Variants in RSL1D1 observed in about 807,000 individuals in gnomAD.
RSL1D1 encodes the protein ribosomal L1 domain-containing protein 1.
Under a neutral mutation model 44.6 loss-of-function variants are expected in RSL1D1, and 34 were observed. The observed-to-expected ratio is 0.76, with a 90% CI of 0.58 to 1.02. The LOEUF (loss-of-function observed/expected upper bound fraction) is 1.02, where lower values mean the gene tolerates loss of function less well. RSL1D1 is among the 50% of genes least tolerant of loss of function. The pLI, the probability that RSL1D1 is intolerant of heterozygous loss-of-function variation, is 0.00. For missense variants in RSL1D1, 767 were observed against 568.1 expected (o/e 1.35, Z -3.56); for synonymous variants, 271 against 207.4 (o/e 1.31, Z -2.63).
intron 7 of RSL1D1, among the ~76,000 whole-genome samples, chr16:11,840,602 A>G (rs926188008): frequency 1.1e-4 from 16 of 152,206 alleles, no homozygotes; most frequent in African/African-American, 3.4e-4. Flanking sequence ...GACACAATTA[A>G]CATGGCTAAA....
chr16:11,840,847 T>C (rs2053760013), intron 7 of RSL1D1, among the ~76,000 whole-genome samples: 1 of 152,186 alleles, frequency 6.6e-6, no homozygotes, highest in African/African-American at 2.4e-5. Context: ...TGTCCTGTGA[T>C]GAAACAGCGC....
chr16:11,845,559 C>T (rs2053791548), intron 5 of RSL1D1, among the ~76,000 whole-genome samples: 2 of 152,166 alleles, frequency 1.3e-5, no homozygotes, highest in South Asian at 4.1e-4. Flanking sequence ...CCACATGTGC[C>T]TATTTTAAAT....
intron 8 of RSL1D1, among the ~76,000 whole-genome samples, chr16:11,838,402 A>G (rs965599489): frequency 1.3e-5 from 2 of 151,962 alleles, no homozygotes; most frequent in African/African-American, 4.8e-5. Flanking sequence ...ACCTCAGGTG[A>G]TCCACCTGCC....
In RSL1D1 at chr16:11,837,980, C is replaced by A; in HGVS notation, c.1280G>T (p.Ser427Ile). ...TTTGATTTTTGGCTTCTTCTCTGGGCTTTTCCCTGGGGTCTCAGACTCTGC... is the reference window on the plus strand; with the variant it reads ...TTTGATTTTTGGCTTCTTCTCTGGGATTTTCCCTGGGGTCTCAGACTCTGC... The part of the protein sequence containing the change: ...KAAESETPGK[S>I]PEKKPKIKEE... Residue 427 changes from serine (S) to isoleucine (I), a missense_variant, in exon 9 of 9, where the codon AGC becomes ATC. Coordinates refer to ENST00000571133, the MANE Select transcript of RSL1D1 (RefSeq NM_015659.3). 6.2e-7 allele frequency: 1 copy of A among 1,614,004 alleles called. No homozygotes were observed.
Position 11,837,141 on chromosome 16 carries a change from T to A in RSL1D1, c.*646A>T, listed in dbSNP as rs2053726736. ...GATGCATGCCACCATGCCACACTAA[T>A]TTTTTTTTTTCTTTTGTAGAGATGG... On this transcript the variant is annotated 3_prime_UTR_variant, in exon 9 of 9. Coordinates refer to ENST00000571133, the MANE Select transcript of RSL1D1 (RefSeq NM_015659.3). 1 of 147,914 alleles carries A rather than the reference T, an allele frequency of 6.8e-6. No individual in the cohort carries two copies. Among genetic ancestry groups the A allele is most frequent in the Non-Finnish European group, 1.5e-5 (1 of 66,682 alleles). The allele number at this position is 147,914 out of a possible 1,614,324, so 9.2% of individuals were successfully genotyped here. A position where few individuals can be genotyped will look rare whatever the true frequency, so the allele number is the denominator to read the frequency against.
intron 8 of RSL1D1, 60 bp from the exon 9 acceptor site, chr16:11,838,173 C>A (rs555218777): frequency 7.9e-7 from 1 of 1,271,832 alleles, no homozygotes; most frequent in East Asian, 2.4e-5. Flanking sequence ...CACTCTAACT[C>A]CAGGAGTTAC....
At chr16:11,842,341 C>A (rs57301461) in intron 5 of RSL1D1, among the ~76,000 whole-genome samples, 16 of 147,820 alleles carry the variant, frequency 1.1e-4, no homozygotes, top group Non-Finnish European at 1.8e-4. Context: ...AAAAAAAAAA[C>A]AAAACAAAAA....
At chr16:11,845,772 A>T (rs1199837041) in intron 5 of RSL1D1, among the ~76,000 whole-genome samples, 1 of 151,620 alleles carries the variant, frequency 6.6e-6, no homozygotes, top group Non-Finnish European at 1.5e-5. Context: ...TTCAGACTGG[A>T]GAACAGTGAC....
At chr16:11,842,384 G>A (rs2053769310) in intron 5 of RSL1D1, among the ~76,000 whole-genome samples, 1 of 151,990 alleles carries the variant, frequency 6.6e-6, no homozygotes, top group Non-Finnish European at 1.5e-5. Context: ...AAATCTTTAG[G>A]TTCTAAATAT....
chr16:11,844,085 G>T (rs1335282859), intron 5 of RSL1D1, among the ~76,000 whole-genome samples: 2 of 151,970 alleles, frequency 1.3e-5, no homozygotes, highest in South Asian at 2.1e-4. Flanking sequence ...GGAATGAGAC[G>T]GACTGTTGCT....
At position 11,841,755 on chromosome 16, in the gene RSL1D1, G is replaced by A. The variant is rs1354599633; in HGVS notation, c.795C>T (p.Ser265=). Residue 265 remains serine (S), a synonymous_variant, in exon 7 of 9, where the codon TCC becomes TCT. Coordinates refer to ENST00000571133, the MANE Select transcript of RSL1D1 (RefSeq NM_015659.3). ...TEKSAALPIF[S]SFVSNWDEAT... ...CTTCATCCCAATTGCTGACAAACGA[G>A]GAAAAGATGGGAAGTGCAGCCGATT... The A allele has an allele frequency of 2.5e-6, 4 of 1,613,884 alleles. No homozygotes were observed. The highest frequency in any genetic ancestry group is 3.4e-6 in the Non-Finnish European group (4 of 1,179,966).
chr16:11,840,900 C>A (rs1465918530), intron 7 of RSL1D1, among the ~76,000 whole-genome samples: 1 of 152,202 alleles, frequency 6.6e-6, no homozygotes, highest in Non-Finnish European at 1.5e-5. Flanking sequence ...TTTCCCTGAG[C>A]TATCAGGATT....
At position 11,837,609 on chromosome 16, in the gene RSL1D1, C is replaced by A; in HGVS notation, c.*178G>T. The stretch of plus-strand genomic sequence containing the variant: ...TTGTGATCCGCCTGCCTCGGCCTCC[C>A]AAAGTGCTGGGATTACAGGCGTGAG... On this transcript the variant is annotated 3_prime_UTR_variant, in exon 9 of 9. Transcript: ENST00000571133. The A allele has an allele frequency of 1.7e-6, 1 of 575,932 alleles. No homozygotes were observed. The allele number at this position is 575,932 out of a possible 1,614,324, so 35.7% of individuals were successfully genotyped here.
At chr16:11,844,633 C>A (rs1362689841) in intron 5 of RSL1D1, among the ~76,000 whole-genome samples, 17 of 152,164 alleles carry the variant, frequency 1.1e-4, no homozygotes, top group Non-Finnish European at 8.8e-5. Flanking sequence ...TGGAGACACT[C>A]CCCTGGGGTC....
intron 5 of RSL1D1, among the ~76,000 whole-genome samples, chr16:11,842,224 G>A (rs1428201815): frequency 6.6e-6 from 1 of 151,864 alleles, no homozygotes; most frequent in East Asian, 1.9e-4. Context: ...TTACTCAGGA[G>A]GCTGAGGCAG....
At position 11,843,787 on chromosome 16, in the gene RSL1D1, T is replaced by C. The variant is rs529181191; in HGVS notation, c.636-1787A>G. ...TTGGGAGGCTGAGGCAGAAGAATGG[T>C]GTGAACCCGGCAGGCGGAGCTTGCA... On this transcript the variant is annotated intron_variant, in intron 5 of 8. Transcript: ENST00000571133. Among the ~76,000 whole-genome samples, 148 of 137,702 alleles carry C rather than the reference T, an allele frequency of 1.1e-3. 1 individual carries two copies. The highest frequency in any genetic ancestry group is 3.7e-3 in the African/African-American group (137 of 36,890). The allele number at this position is 137,702 out of a possible 152,430, so 90.3% of individuals were successfully genotyped here.
intron 1 of RSL1D1, among the ~76,000 whole-genome samples, chr16:11,850,639 C>T (rs1033087044): frequency 6.6e-5 from 10 of 152,112 alleles, no homozygotes; most frequent in African/African-American, 2.4e-4. Context: ...TGCCTAAGTA[C>T]CCACTTCCAG....
At chr16:11,848,753 CA>C (rs1441177385) in intron 2 of RSL1D1, among the ~76,000 whole-genome samples, 2 of 151,912 alleles carry the variant, frequency 1.3e-5, no homozygotes, top group Non-Finnish European at 2.9e-5. Context: ...CTCAGCCTCC[CA>C]AACTGCTGAG....
chr16:11,849,667 C>G (rs1212091169), intron 2 of RSL1D1, among the ~76,000 whole-genome samples: 5 of 151,956 alleles, frequency 3.3e-5, no homozygotes, highest in Admixed American at 2.6e-4. Flanking sequence ...GGAAAGATAA[C>G]AGTTTCTAAT....
Sources: gnomAD v4.1 joint callset for allele counts (sites outside exome capture counted in the v4.1 genomes callset) on GRCh38, gnomAD v4.1.1 for gene constraint, MANE v1.5 for transcripts, NCBI Gene and HGNC (gene_info 2026-07-23, HGNC 2026-07-21) for gene names.